FBXL7: variants seen among roughly 807,000 people sequenced by gnomAD.
The protein encoded by FBXL7 is F-box/LRR-repeat protein 7.
Under a neutral mutation model 38.3 loss-of-function variants are expected in FBXL7, and 12 were observed. The observed-to-expected ratio is 0.31, with a 90% CI of 0.20 to 0.51. The LOEUF (loss-of-function observed/expected upper bound fraction) is 0.51, where lower values mean the gene tolerates loss of function less well. FBXL7 is among the 20% of genes least tolerant of loss of function. The pLI, the probability that FBXL7 is intolerant of heterozygous loss-of-function variation, is 0.98. For synonymous variants in FBXL7, 297 were observed against 300.9 expected, an observed-to-expected ratio of 0.99 and a Z score of 0.13; for missense variants, 567 against 676.4, an observed-to-expected ratio of 0.84 and a Z score of 1.79.
At chr5:15,655,073 A>G (rs1434623388) in intron 2 of FBXL7, among the ~76,000 whole-genome samples, 1 of 152,226 alleles carries the variant, frequency 6.6e-6, no homozygotes, top group African/African-American at 2.4e-5. Context: ...GTATGGCCAT[A>G]TTAAGATAGC....
intron 2 of FBXL7, among the ~76,000 whole-genome samples, chr5:15,662,935 T>C (rs954489614): frequency 6.6e-6 from 1 of 152,220 alleles, no homozygotes; most frequent in Non-Finnish European, 1.5e-5. Context: ...AGTAACGTTA[T>C]GCCTCTTGGT....
At chr5:15,654,571 G>A (rs1741816247) in intron 2 of FBXL7, among the ~76,000 whole-genome samples, 1 of 151,968 alleles carries the variant, frequency 6.6e-6, no homozygotes, top group Non-Finnish European at 1.5e-5. Context: ...GGTCATTTTT[G>A]TCTCGAATTT....
chr5:15,557,861 A>G (rs10474717), intron 1 of FBXL7, among the ~76,000 whole-genome samples: 66,527 of 152,038 alleles, frequency 0.44, 15,382 homozygotes, highest in African/African-American at 0.59. Context: ...AAGTGCTTGT[A>G]TTTAATTGTG....
intron 2 of FBXL7, among the ~76,000 whole-genome samples, chr5:15,872,375 C>T (rs1305631042): frequency 2.0e-5 from 3 of 152,134 alleles, no homozygotes; most frequent in African/African-American, 7.2e-5. Context: ...AACTAGCCAG[C>T]TAGCATCATA....
At chr5:15,603,676 T>C (rs1739886896) in intron 1 of FBXL7, among the ~76,000 whole-genome samples, 1 of 152,216 alleles carries the variant, frequency 6.6e-6, no homozygotes, top group South Asian at 2.1e-4. Context: ...CGATGCCACT[T>C]ATTAGATGGT....
intron 2 of FBXL7, among the ~76,000 whole-genome samples, chr5:15,870,436 G>C (rs540798249): frequency 4.6e-5 from 7 of 152,106 alleles, no homozygotes; most frequent in African/African-American, 1.7e-4. Context: ...ACAAATGCAC[G>C]GATCAGAAAA....
intron 1 of FBXL7, among the ~76,000 whole-genome samples, chr5:15,562,524 T>C (rs561225121): frequency 6.6e-6 from 1 of 152,238 alleles, no homozygotes; most frequent in African/African-American, 2.4e-5. Flanking sequence ...TATCATGATG[T>C]ATTATTTTAT....
intron 1 of FBXL7, among the ~76,000 whole-genome samples, chr5:15,614,864 C>T (rs888720898): frequency 1.3e-5 from 2 of 152,166 alleles, no homozygotes; most frequent in African/African-American, 4.8e-5. Context: ...CTCTCTCCTC[C>T]AGGCCCTCTT....
chr5:15,832,520 C>T (rs1738484316), intron 2 of FBXL7, among the ~76,000 whole-genome samples: 1 of 152,184 alleles, frequency 6.6e-6, no homozygotes, highest in South Asian at 2.1e-4. Context: ...TCAGGTTCAA[C>T]TGAACCTTCT....
chr5:15,550,248 G>A (rs1174300372), intron 1 of FBXL7, among the ~76,000 whole-genome samples: 2 of 152,142 alleles, frequency 1.3e-5, no homozygotes, highest in Admixed American at 6.5e-5. Context: ...AGGAGGCTTG[G>A]AAAACTCATT....
At chr5:15,712,871 CAG>C (rs978597280) in intron 2 of FBXL7, among the ~76,000 whole-genome samples, 1 of 152,146 alleles carries the variant, frequency 6.6e-6, no homozygotes, top group Non-Finnish European at 1.5e-5. Context: ...AGCCCACCAA[CAG>C]AGCTGTGGTC....
intron 2 of FBXL7, among the ~76,000 whole-genome samples, chr5:15,827,330 G>T (rs926009373): frequency 1.3e-5 from 2 of 151,470 alleles, no homozygotes; most frequent in Non-Finnish European, 2.9e-5. Context: ...CATAATAAAT[G>T]AAATTATGTT....
intron 2 of FBXL7, among the ~76,000 whole-genome samples, chr5:15,842,969 T>A (rs979188203): frequency 2.0e-5 from 3 of 152,178 alleles, no homozygotes; most frequent in African/African-American, 7.2e-5. Context: ...ATTGGCAAAG[T>A]TTTACCTTTG....
chr5:15,823,148 G>A (rs1019707256), intron 2 of FBXL7, among the ~76,000 whole-genome samples: 29 of 152,272 alleles, frequency 1.9e-4, no homozygotes, highest in Admixed American at 5.9e-4. Context: ...CGTATAAGCC[G>A]TTTTCTATTT....
intron 2 of FBXL7, among the ~76,000 whole-genome samples, chr5:15,913,939 G>A (rs1426260591): frequency 1.3e-5 from 2 of 152,096 alleles, no homozygotes; most frequent in African/African-American, 4.8e-5. Context: ...TCGGGGGTTG[G>A]GGAGGGCAGG....
At chr5:15,640,532 GT>G (rs34462817) in intron 2 of FBXL7, among the ~76,000 whole-genome samples, 198 of 143,848 alleles carry the variant, frequency 1.4e-3, no homozygotes, top group Non-Finnish European at 2.2e-3. Context: ...GTTTTTTTTT[GT>G]TTTTTTTTTT....
intron 1 of FBXL7, among the ~76,000 whole-genome samples, chr5:15,606,281 A>C (rs772267933): frequency 6.6e-6 from 1 of 151,952 alleles, no homozygotes; most frequent in African/African-American, 2.4e-5. Flanking sequence ...ACACACATAC[A>C]TGCGCACGTG....
chr5:15,845,665 A>G (rs1459642968), intron 2 of FBXL7, among the ~76,000 whole-genome samples: 1 of 152,236 alleles, frequency 6.6e-6, no homozygotes, highest in African/African-American at 2.4e-5. Context: ...ATTATTTATT[A>G]CAAAATTGAA....
chr5:15,915,581 C>T (rs1229433919), intron 2 of FBXL7, among the ~76,000 whole-genome samples: 2 of 152,150 alleles, frequency 1.3e-5, no homozygotes, highest in South Asian at 2.1e-4. Context: ...TAACCTAATA[C>T]GTCAATAGAC....
Sources: gnomAD v4.1 joint callset for allele counts (sites outside exome capture counted in the v4.1 genomes callset) on GRCh38, gnomAD v4.1.1 for gene constraint, MANE v1.5 for transcripts, NCBI Gene and HGNC (gene_info 2026-07-23, HGNC 2026-07-21) for gene names.